Variants in WDR11 observed in about 807,000 individuals in gnomAD.
WDR11 encodes WD repeat domain 11.
A neutral mutation model predicts 151.2 loss-of-function variants in WDR11; 83 were observed. The observed-to-expected ratio is 0.55, with a 90% CI of 0.46 to 0.66. The LOEUF is 0.66. Ranked by LOEUF, WDR11 falls within the 30% of genes least tolerant of loss-of-function variation. WDR11 has a pLI of 0.00. For missense variants in WDR11, 1,301 were observed against 1,480.9 expected, an observed-to-expected ratio of 0.88 and a Z score of 1.99; for synonymous variants, 484 against 533.1, an observed-to-expected ratio of 0.91 and a Z score of 1.27.
chr10:120,893,601 C>T (rs1245124667), intron 19 of WDR11, among the ~76,000 whole-genome samples: 1 of 151,274 alleles, frequency 6.6e-6, no homozygotes, highest in Non-Finnish European at 1.5e-5. Context: ...CTGACTTCCA[C>T]AATGGTTGAA....
intron 19 of WDR11, among the ~76,000 whole-genome samples, chr10:120,898,844 CAGGT>C (rs10552167): frequency 0.37 from 56,399 of 151,786 alleles, 10,536 homozygotes; most frequent in Admixed American, 0.44. Context: ...TACCCTGTCT[CAGGT>C]AGTTCTTTAC....
At chr10:120,907,809 T>TG (rs1360827970) in intron 28 of WDR11, 1 of 22,810 alleles carries the variant, frequency 4.4e-5, no homozygotes, top group African/African-American at 3.9e-4. Flanking sequence ...TGTGCCTGGC[T>TG]TTTTTTTTTT....
rs935758857 is a variant in WDR11, at chr10:120,903,181, C to T, written c.2880C>T (p.Ser960=). ...AAGCTGCTCCTCGAGACAAACTGAG[C>T]AACCCACTGGATATATGCTATGACG... ...PKEAAPRDKL[S]NPLDICYDVL... Residue 960 remains serine (S), a synonymous_variant, in exon 23 of 29, where the codon AGC becomes AGT. Coordinates refer to ENST00000263461, the MANE Select transcript of WDR11 (RefSeq NM_018117.12). The T allele has an allele frequency of 1.9e-5, 31 of 1,614,098 alleles. No individual in the cohort carries two copies. The highest frequency in any genetic ancestry group is 2.5e-5 in the Non-Finnish European group (30 of 1,180,044).
chr10:120,862,250 C>T (rs1846167189), intron 4 of WDR11, among the ~76,000 whole-genome samples: 1 of 151,912 alleles, frequency 6.6e-6, no homozygotes, highest in Non-Finnish European at 1.5e-5. Flanking sequence ...AGCGATTCTC[C>T]TGCCTCACTC....
At position 120,889,062 on chromosome 10, in the gene WDR11, T is replaced by C. The variant is rs766361218; in HGVS notation, c.2122-16T>C. 1.3e-6 allele frequency: 2 copies of C among 1,546,912 alleles called. No homozygotes were observed. The highest frequency in any genetic ancestry group is 1.8e-6 in the Non-Finnish European group (2 of 1,118,946). ...CATAGTGAAATTTATATTTGTTTGT[T>C]GCTGTTGTTTTCTAGGGAAGTATGG... On this transcript the variant is annotated splice_polypyrimidine_tract_variant and intron_variant, in intron 16 of 28. Coordinates refer to ENST00000263461, the MANE Select transcript of WDR11 (RefSeq NM_018117.12).
At position 120,873,903 on chromosome 10, in the gene WDR11, C is replaced by T. The variant is rs1162728753; in HGVS notation, c.1536C>T (p.Ser512=). 2 of 1,611,772 alleles carry T rather than the reference C, an allele frequency of 1.2e-6. No individual in the cohort carries two copies. The highest frequency in any genetic ancestry group is 2.7e-5 in the African/African-American group (2 of 74,838). The stretch of plus-strand genomic sequence containing the variant: ...GTGGTCTGCTACACAAAGAGTTAAG[C>T]ATCCACTCATGTGAAGTCAAGTAAG... ...LTSGLLHKEL[S]IHSCEVKGIE... is the part of the protein sequence containing the mutation. Residue 512 remains serine, a synonymous_variant, in exon 11 of 29, where the codon AGC becomes AGT. Coordinates refer to ENST00000263461, the MANE Select transcript of WDR11 (RefSeq NM_018117.12).
intron 8 of WDR11, 85 bp from the exon 9 acceptor site, chr10:120,866,981 A>G: frequency 1.7e-6 from 2 of 1,203,178 alleles, no homozygotes; most frequent in Non-Finnish European, 1.2e-6. Context: ...ATAGAATGCC[A>G]TAATCTGGAC....
intron 25 of WDR11, 95 bp downstream of exon 25, chr10:120,904,906 A>G: frequency 7.0e-7 from 1 of 1,434,408 alleles, no homozygotes; most frequent in Admixed American, 1.8e-5. Flanking sequence ...TTTCTCTTTT[A>G]CATATGCTGA....
At chr10:120,876,390 T>G (rs913417649) in intron 11 of WDR11, among the ~76,000 whole-genome samples, 11 of 152,196 alleles carry the variant, frequency 7.2e-5, no homozygotes, top group African/African-American at 2.7e-4. Context: ...CAGGTGACTG[T>G]TTATTGCCAC....
rs1455123508 is a variant in WDR11 at position 120,874,177 on chromosome 10, T to G, written c.1556+254T>G. On this transcript the variant is annotated intron_variant, in intron 11 of 28. Transcript: ENST00000263461. ...GCAAAAGTAATTGCGGTTTTTGCAGTTTTTTTTTTTTTTTTGTTGTTGTTG... is the reference window on the plus strand; with the variant it reads ...GCAAAAGTAATTGCGGTTTTTGCAGGTTTTTTTTTTTTTTTGTTGTTGTTG... 3.8e-3 allele frequency among the ~76,000 whole-genome samples: 163 copies of G among 43,218 alleles called. 1 individual carries two copies. The highest frequency in any genetic ancestry group is 0.011 in the African/African-American group (94 of 8,436). 28.4% of individuals were successfully genotyped at this position (43,218 alleles called of 152,430 possible). A position where few individuals can be genotyped will look rare whatever the true frequency, so the allele number is the denominator to read the frequency against.
intron 2 of WDR11, among the ~76,000 whole-genome samples, chr10:120,856,793 A>G (rs1845963740): frequency 6.6e-6 from 1 of 152,110 alleles, no homozygotes; most frequent in Non-Finnish European, 1.5e-5. Context: ...ATACAAATAT[A>G]TACACATATA....
chr10:120,858,494 C>A, intron 2 of WDR11, 149 bp from the exon 3 acceptor site: 1 of 959,306 alleles, frequency 1.0e-6, no homozygotes. Context: ...CAAATGCTGC[C>A]TTCAAAATGA....
In WDR11 at chr10:120,852,566, G is replaced by C; in HGVS notation, c.129G>C (p.Val43=). The C allele has an allele frequency of 6.2e-7, 1 of 1,613,950 alleles. No individual in the cohort carries two copies. Among genetic ancestry groups the C allele is most frequent in the East Asian group, 2.2e-5 (1 of 44,834 alleles). The part of the protein sequence containing the change: ...GLIAYGCHSL[V]VVIDSITAQT... ...TTGCTTATGGATGTCATTCACTTGT[G>C]GTAGTGATTGATTCCATTACTGCCC... The change falls in exon 2 of 29, where the codon GTG becomes GTC. Residue 43 remains valine (V), a synonymous_variant. Transcript: ENST00000263461.
Position 120,883,823 on chromosome 10 carries a change from T to G in WDR11, c.1783T>G (p.Trp595Gly). Residue 595 changes from tryptophan to glycine, a missense_variant, in exon 14 of 29, where the codon TGG becomes GGG. This residue lies in a region of WDR11 where 692 missense variants were observed against 762.5 expected (regional missense o/e 0.91). Coordinates refer to ENST00000263461, the MANE Select transcript of WDR11 (RefSeq NM_018117.12). ...VVFRDKPLELWDVRTCTLLRE... is the reference protein window; with the variant it reads ...VVFRDKPLELGDVRTCTLLRE... ...ATTCAGAGATAAACCCCTGGAGCTA[T>G]GGGATGTTAGGACTTGTACCCTTCT... 1 of 1,613,592 alleles carries G rather than the reference T, an allele frequency of 6.2e-7. No homozygotes were observed. Among genetic ancestry groups the G allele is most frequent in the Non-Finnish European group, 8.5e-7 (1 of 1,179,654 alleles).
intron 11 of WDR11, among the ~76,000 whole-genome samples, chr10:120,874,700 G>A (rs1846696042): frequency 6.6e-6 from 1 of 151,992 alleles, no homozygotes; most frequent in East Asian, 1.9e-4. Context: ...TGAGGATGAT[G>A]GCTTCCAGCT....
At chr10:120,882,690 A>G (rs1054825541) in intron 13 of WDR11, among the ~76,000 whole-genome samples, 1 of 151,950 alleles carries the variant, frequency 6.6e-6, no homozygotes, top group African/African-American at 2.4e-5. Flanking sequence ...TGGATCTATG[A>G]TCAGTGATTA....
At chr10:120,874,190 T>TTTGTTGTTG (rs1554854853) in intron 11 of WDR11, among the ~76,000 whole-genome samples, 1 of 105,104 alleles carries the variant, frequency 9.5e-6, no homozygotes, top group Non-Finnish European at 1.9e-5. Flanking sequence ...TTTTTTTTTT[T>TTTGTTGTTG]TTGTTGTTGT....
rs1491035622 is a variant in WDR11 at position 120,869,105 on chromosome 10, G to GTT, written c.1294+1936_1294+1937insTT. Among the ~76,000 whole-genome samples, 26 of 71,658 alleles carry GTT rather than the reference G, an allele frequency of 3.6e-4. 1 individual carries two copies. The highest frequency in any genetic ancestry group is 4.7e-4 in the South Asian group (1 of 2,106). 47.0% of individuals were successfully genotyped at this position (71,658 alleles called of 152,430 possible). ...AGGTATCTAAGTGATATAAATTACA[G>GTT]GTTTTTTTTTTTTTTTTTTTTTTGA... On this transcript the variant is annotated intron_variant, in intron 9 of 28. Coordinates refer to ENST00000263461, the MANE Select transcript of WDR11 (RefSeq NM_018117.12).
chr10:120,872,108 T>C (rs1021099169), intron 10 of WDR11, among the ~76,000 whole-genome samples: 3 of 152,208 alleles, frequency 2.0e-5, no homozygotes, highest in Non-Finnish European at 4.4e-5. Flanking sequence ...AACATGTGAT[T>C]TGTGGTGAAA....
Sources: gnomAD v4.1 joint callset for allele counts (sites outside exome capture counted in the v4.1 genomes callset) on GRCh38, gnomAD v4.1.1 for gene constraint, gnomAD v4.1.1 regional missense constraint, MANE v1.5 for transcripts, NCBI Gene and HGNC (gene_info 2026-07-23, HGNC 2026-07-21) for gene names.